The following CDH12 variants were observed in gnomAD, a reference collection of about 807,000 sequenced individuals.
CDH12 encodes cadherin-12.
A neutral mutation model predicts 74.1 loss-of-function variants in CDH12; 41 were observed. That is an observed-to-expected ratio of 0.55 (90% CI 0.43 to 0.72). The LOEUF (loss-of-function observed/expected upper bound fraction) is 0.72, where lower values mean the gene tolerates loss of function less well. Ranked by LOEUF, CDH12 falls within the 30% of genes least tolerant of loss-of-function variation. CDH12 has a pLI of 0.00. For missense variants in CDH12, 945 were observed against 977.2 expected (o/e 0.97, Z 0.44); for synonymous variants, 399 against 355.0 (o/e 1.12, Z -1.39).
intron 5 of CDH12, among the ~76,000 whole-genome samples, chr5:22,034,846 T>C (rs1165165678): frequency 6.6e-6 from 1 of 152,154 alleles, no homozygotes; most frequent in African/African-American, 2.4e-5. Flanking sequence ...ATATAAGTAA[T>C]TTGACAATAA....
intron 1 of CDH12, among the ~76,000 whole-genome samples, chr5:22,760,809 C>A (rs1746186347): frequency 6.6e-6 from 1 of 150,900 alleles, no homozygotes; most frequent in Non-Finnish European, 1.5e-5. Context: ...GTGTAGTGTG[C>A]AATTGAGTAA....
chr5:22,352,888 G>A lies in CDH12; in HGVS notation c.-333+52369C>T, dbSNP rs150506216. On this transcript the variant is annotated intron_variant, in intron 3 of 14. Transcript: ENST00000382254. The stretch of plus-strand genomic sequence containing the variant: ...TGATGATTCAGAATCAAAATACTAA[G>A]ACTAGATCAAGGTGTGCTGTGATTA... 4.7e-3 allele frequency among the ~76,000 whole-genome samples: 718 copies of A among 152,262 alleles called. 5 individuals are homozygous for A. Among genetic ancestry groups the A allele is most frequent in the African/African-American group, 0.016 (657 of 41,568 alleles).
chr5:22,280,901 C>G (rs1052907043), intron 3 of CDH12, among the ~76,000 whole-genome samples: 1 of 152,114 alleles, frequency 6.6e-6, no homozygotes, highest in Non-Finnish European at 1.5e-5. Context: ...GATACCAAAG[C>G]CTGGCAGAGA....
At chr5:21,825,310 C>G (rs1561216654) in intron 8 of CDH12, among the ~76,000 whole-genome samples, 1 of 152,148 alleles carries the variant, frequency 6.6e-6, no homozygotes, top group Non-Finnish European at 1.5e-5. Flanking sequence ...ATAGTGCATA[C>G]TTCAGTATTA....
intron 1 of CDH12, among the ~76,000 whole-genome samples, chr5:22,677,275 G>A (rs1355160983): frequency 1.3e-5 from 2 of 152,046 alleles, no homozygotes; most frequent in African/African-American, 4.8e-5. Flanking sequence ...ACCTTAGATT[G>A]GATAATTTGT....
At chr5:22,227,962 A>T (rs180966701) in intron 3 of CDH12, among the ~76,000 whole-genome samples, 1 of 152,230 alleles carries the variant, frequency 6.6e-6, no homozygotes, top group Non-Finnish European at 1.5e-5. Context: ...CACTTTTTCC[A>T]TAGGCAGTGC....
intron 1 of CDH12, among the ~76,000 whole-genome samples, chr5:22,648,842 T>C (rs1023331881): frequency 1.8e-4 from 28 of 152,090 alleles, no homozygotes; most frequent in African/African-American, 6.5e-4. Context: ...ATTCATGATA[T>C]TTTTTCTCAG....
chr5:21,955,491 T>G (rs2150105136), intron 6 of CDH12, among the ~76,000 whole-genome samples: 1 of 152,110 alleles, frequency 6.6e-6, no homozygotes, highest in East Asian at 1.9e-4. Context: ...TAAAAAGCAT[T>G]GAGAGCTTAT....
chr5:21,993,113 T>C (rs1295906814), intron 5 of CDH12, among the ~76,000 whole-genome samples: 2 of 152,126 alleles, frequency 1.3e-5, no homozygotes, highest in Non-Finnish European at 2.9e-5. Flanking sequence ...CTCCAACATG[T>C]GGATATTACA....
intron 2 of CDH12, among the ~76,000 whole-genome samples, chr5:22,456,079 G>A (rs899626764): frequency 1.3e-5 from 2 of 149,902 alleles, no homozygotes; most frequent in Admixed American, 6.6e-5. Context: ...ACAATAGCAC[G>A]CCATTATTCA....
At chr5:22,267,432 T>G (rs767601767) in intron 3 of CDH12, among the ~76,000 whole-genome samples, 5 of 152,200 alleles carry the variant, frequency 3.3e-5, no homozygotes, top group Non-Finnish European at 4.4e-5. Context: ...ATCACAGTGC[T>G]TTATTCTAGA....
intron 3 of CDH12, among the ~76,000 whole-genome samples, chr5:22,325,179 C>G (rs115451845): frequency 6.6e-6 from 1 of 152,134 alleles, no homozygotes; most frequent in Non-Finnish European, 1.5e-5. Flanking sequence ...CCAAATTGTT[C>G]TTTTACTTAT....
intron 3 of CDH12, among the ~76,000 whole-genome samples, chr5:22,244,732 AAAGAAAGAAAAGAAAG>A (rs1261018208): frequency 8.5e-6 from 1 of 117,528 alleles, no homozygotes; most frequent in Non-Finnish European, 1.7e-5. Flanking sequence ...AAAGAAAAAG[AAAGAAAGAAAAGAAAG>A]AAAGAAAGAA....
At chr5:21,862,983 A>T (rs760667525) in intron 6 of CDH12, among the ~76,000 whole-genome samples, 6 of 152,110 alleles carry the variant, frequency 3.9e-5, no homozygotes, top group Admixed American at 6.6e-5. Flanking sequence ...CTTTGAGCCA[A>T]CTCACAAGAT....
At chr5:21,854,898 T>A (rs1315194342) in intron 6 of CDH12, 108 bp from the exon 7 acceptor site, 2 of 926,524 alleles carry the variant, frequency 2.2e-6, no homozygotes, top group African/African-American at 3.3e-5. Context: ...CTACGTCAAG[T>A]ACACCATGAG....
At chr5:21,834,418 AC>A (rs1224003699) in intron 8 of CDH12, among the ~76,000 whole-genome samples, 17 of 151,928 alleles carry the variant, frequency 1.1e-4, no homozygotes, top group Non-Finnish European at 4.4e-5. Flanking sequence ...TGTCCCAAAT[AC>A]TACTTTTGAA....
Position 21,882,986 on chromosome 5 carries a change from C to G in CDH12, c.527-28196G>C, listed in dbSNP as rs1361026704. 3 of 1,598,664 alleles carry G rather than the reference C, an allele frequency of 1.9e-6. No individual in the cohort carries two copies. The African/African-American group carries it at 4.0e-5, about 21-fold the overall frequency. Reference sequence around the variant, plus strand: ...CCAAGGAAGGCTTCCAGAAGATTAGCAAAGGTGCTAATCCAGTGGAAATCA... The same window carrying G: ...CCAAGGAAGGCTTCCAGAAGATTAGGAAAGGTGCTAATCCAGTGGAAATCA... On this transcript the variant is annotated intron_variant, in intron 6 of 14. Transcript: ENST00000382254.
At chr5:22,748,213 C>T (rs768524707) in intron 1 of CDH12, among the ~76,000 whole-genome samples, 9 of 152,014 alleles carry the variant, frequency 5.9e-5, no homozygotes, top group Non-Finnish European at 7.4e-5. Flanking sequence ...CTGTATACAA[C>T]TGAATAAATT....
intron 3 of CDH12, among the ~76,000 whole-genome samples, chr5:22,280,008 T>C (rs577621505): frequency 1.3e-5 from 2 of 152,270 alleles, no homozygotes; most frequent in African/African-American, 4.8e-5. Flanking sequence ...GTAAAAGTGT[T>C]CCTATTTCTC....
Sources: gnomAD v4.1 joint callset for allele counts (sites outside exome capture counted in the v4.1 genomes callset) on GRCh38, gnomAD v4.1.1 for gene constraint, MANE v1.5 for transcripts, NCBI Gene and HGNC (gene_info 2026-07-23, HGNC 2026-07-21) for gene names.